Variants in ARSJ observed in about 807,000 individuals in gnomAD.
ARSJ encodes the protein arylsulfatase family member J.
A neutral mutation model predicts 35.9 loss-of-function variants in ARSJ; 26 were observed. The ratio of observed to expected loss-of-function variants is 0.72; its 90% CI spans 0.53 to 1.00. The LOEUF (loss-of-function observed/expected upper bound fraction) is 1.00. ARSJ is among the 50% of genes least tolerant of loss of function. The probability of loss-of-function intolerance (pLI) is 0.00; values close to 1 mark genes in which losing one functional copy is unlikely to be tolerated. For synonymous variants in ARSJ, 294 were observed against 267.6 expected (o/e 1.10, Z -0.96); for missense variants, 667 against 723.6 (o/e 0.92, Z 0.90).
chr4:113,921,336 G>A (rs1208377042), intron 1 of ARSJ, among the ~76,000 whole-genome samples: 1 of 152,098 alleles, frequency 6.6e-6, no homozygotes, highest in Non-Finnish European at 1.5e-5. Flanking sequence ...AGACTTTGGG[G>A]TGGGATGTGT....
chr4:113,910,956 G>A (rs748898329), intron 1 of ARSJ, among the ~76,000 whole-genome samples: 25 of 152,192 alleles, frequency 1.6e-4, no homozygotes, highest in Non-Finnish European at 3.4e-4. Flanking sequence ...AAGGGGCCAT[G>A]TTTCATTTGA....
intron 1 of ARSJ, among the ~76,000 whole-genome samples, chr4:113,976,778 G>A (rs555015763): frequency 3.8e-4 from 58 of 152,298 alleles, no homozygotes; most frequent in African/African-American, 1.3e-3. Flanking sequence ...AATCTCATCA[G>A]ATGTTTGATT....
intron 1 of ARSJ, among the ~76,000 whole-genome samples, chr4:113,924,076 A>AATATAT (rs1164333093): frequency 8.5e-4 from 81 of 95,522 alleles, no homozygotes; most frequent in African/African-American, 2.0e-3. Context: ...AATATATATA[A>AATATAT]ATATATATAT....
chr4:113,930,640 A>T (rs907315107), intron 1 of ARSJ, among the ~76,000 whole-genome samples: 2 of 152,136 alleles, frequency 1.3e-5, no homozygotes. Context: ...ATTTTGAAGT[A>T]TAAATACCAT....
chr4:113,930,196 A>T (rs79062622), intron 1 of ARSJ, among the ~76,000 whole-genome samples: 3,860 of 152,158 alleles, frequency 0.025, 175 homozygotes, highest in East Asian at 0.21. Flanking sequence ...ATTAACTTAC[A>T]CTATCACAAG....
In ARSJ at chr4:113,978,736, G is replaced by A; in HGVS notation, c.99C>T (p.Phe33=). 1 of 1,614,234 alleles carries A rather than the reference G, an allele frequency of 6.2e-7. No homozygotes were observed. The highest frequency in any genetic ancestry group is 2.2e-5 in the East Asian group (1 of 44,882). The change falls in exon 1 of 2, where the codon TTC becomes TTT. Residue 33 remains phenylalanine (F), a synonymous_variant. Transcript: ENST00000315366. ...KMLAMGALAG[F]WILCLLTYGY... ...CATAAGTGAGGAGGCAGAGGATCCA[G>A]AATCCTGCCAGCGCCCCCATTGCTA...
intron 1 of ARSJ, among the ~76,000 whole-genome samples, chr4:113,929,445 TG>T (rs1724288814): frequency 6.6e-6 from 1 of 152,112 alleles, no homozygotes; most frequent in Admixed American, 6.6e-5. Context: ...GCAGGAGGGA[TG>T]TTGCCACTAC....
intron 1 of ARSJ, among the ~76,000 whole-genome samples, chr4:113,914,935 T>C (rs1198374662): frequency 6.6e-6 from 1 of 152,224 alleles, no homozygotes; most frequent in Non-Finnish European, 1.5e-5. Flanking sequence ...CCGTTCATTA[T>C]TTATAAAGGG....
At chr4:113,973,571 A>T (rs1727412108) in intron 1 of ARSJ, among the ~76,000 whole-genome samples, 1 of 152,156 alleles carries the variant, frequency 6.6e-6, no homozygotes, top group Non-Finnish European at 1.5e-5. Context: ...TATGACCACA[A>T]ATCTCAAGTG....
chr4:113,914,218 C>T (rs1723136335), intron 1 of ARSJ, among the ~76,000 whole-genome samples: 4 of 152,206 alleles, frequency 2.6e-5, no homozygotes, highest in South Asian at 4.1e-4. Context: ...ATAATCCACC[C>T]GCTTCAGCCT....
intron 1 of ARSJ, among the ~76,000 whole-genome samples, chr4:113,906,123 C>A (rs1478138018): frequency 6.6e-6 from 1 of 152,048 alleles, no homozygotes; most frequent in Non-Finnish European, 1.5e-5. Context: ...TTAATGGAAA[C>A]TTGGAGGAAA....
intron 1 of ARSJ, among the ~76,000 whole-genome samples, chr4:113,925,908 G>T (rs1724027548): frequency 6.6e-6 from 1 of 152,116 alleles, no homozygotes; most frequent in East Asian, 1.9e-4. Flanking sequence ...TGGGAAATTG[G>T]GCACTCAGTA....
chr4:113,946,572 T>TAC (rs138434069), intron 1 of ARSJ, among the ~76,000 whole-genome samples: 13,110 of 147,276 alleles, frequency 0.089, 831 homozygotes, highest in East Asian at 0.19. Context: ...ACACACACCA[T>TAC]ACACACACAC....
intron 1 of ARSJ, among the ~76,000 whole-genome samples, chr4:113,931,374 G>T (rs1311883759): frequency 6.6e-6 from 1 of 151,962 alleles, no homozygotes; most frequent in Non-Finnish European, 1.5e-5. Flanking sequence ...AGAAGGAGAA[G>T]GAATTAATGA....
intron 1 of ARSJ, among the ~76,000 whole-genome samples, chr4:113,948,614 T>C (rs1385341117): frequency 1.3e-5 from 2 of 152,124 alleles, no homozygotes; most frequent in African/African-American, 4.8e-5. Context: ...TTATCATTGG[T>C]CTTGAGTCAT....
chr4:113,933,613 A>G (rs1724592208), intron 1 of ARSJ, among the ~76,000 whole-genome samples: 1 of 151,896 alleles, frequency 6.6e-6, no homozygotes, highest in African/African-American at 2.4e-5. Flanking sequence ...CATCACATTA[A>G]CAGAAGCAAG....
At chr4:113,908,168 A>G (rs982287187) in intron 1 of ARSJ, among the ~76,000 whole-genome samples, 3 of 152,244 alleles carry the variant, frequency 2.0e-5, no homozygotes, top group African/African-American at 7.2e-5. Flanking sequence ...GAATTGGAAT[A>G]GTTTCAATAA....
intron 1 of ARSJ, among the ~76,000 whole-genome samples, chr4:113,974,820 G>T (rs1727493331): frequency 6.6e-6 from 1 of 152,148 alleles, no homozygotes; most frequent in Non-Finnish European, 1.5e-5. Flanking sequence ...CTTCTTGATA[G>T]ATATCTAAGA....
intron 1 of ARSJ, among the ~76,000 whole-genome samples, chr4:113,948,138 G>A (rs1725618762): frequency 6.6e-6 from 1 of 152,026 alleles, no homozygotes; most frequent in Non-Finnish European, 1.5e-5. Flanking sequence ...GCAGCCAGCC[G>A]AGATTGTGCC....
Sources: allele counts gnomAD v4.1 joint callset (sites outside exome capture counted in the v4.1 genomes callset), GRCh38; gene constraint gnomAD v4.1.1; transcripts MANE v1.5; gene names NCBI Gene and HGNC (gene_info 2026-07-23, HGNC 2026-07-21).